Variants in KIF26B observed in about 807,000 individuals in gnomAD.
KIF26B encodes the protein kinesin family member 26B, also known as kinesin-like protein KIF26B.
Under a neutral mutation model 151.2 loss-of-function variants are expected in KIF26B, and 63 were observed. The observed-to-expected ratio is 0.42, with a 90% CI of 0.34 to 0.51. KIF26B has a LOEUF of 0.51. Ranked by LOEUF, KIF26B falls within the 20% of genes least tolerant of loss-of-function variation. The pLI, the probability that KIF26B is intolerant of heterozygous loss-of-function variation, is 0.07. For synonymous variants in KIF26B, 1,357 were observed against 1,262.1 expected (o/e 1.08, Z -1.59); for missense variants, 2,813 against 2,913.6 (o/e 0.97, Z 0.79).
At chr1:245,305,936 CAAAA>C (rs55865379) in intron 2 of KIF26B, among the ~76,000 whole-genome samples, 1 of 86,700 alleles carries the variant, frequency 1.2e-5, no homozygotes, top group Non-Finnish European at 2.2e-5. Flanking sequence ...GACGACTCCT[CAAAA>C]AAAAAAAAAA....
At chr1:245,389,517 A>G (rs962254683) in intron 3 of KIF26B, among the ~76,000 whole-genome samples, 1 of 152,132 alleles carries the variant, frequency 6.6e-6, no homozygotes, top group African/African-American at 2.4e-5. Flanking sequence ...CATTTTTATT[A>G]CTAGAATTGG....
intron 5 of KIF26B, among the ~76,000 whole-genome samples, chr1:245,543,149 C>T (rs1021628238): frequency 2.4e-4 from 36 of 152,182 alleles, no homozygotes; most frequent in African/African-American, 8.4e-4. Context: ...CTCTCCCCCT[C>T]TATCCCTAAT....
chr1:245,325,711 A>G (rs1671976895), intron 2 of KIF26B, among the ~76,000 whole-genome samples: 2 of 148,684 alleles, frequency 1.3e-5, no homozygotes, highest in African/African-American at 4.9e-5. Context: ...GACTCCATTT[A>G]AAAAAAAAAG....
chr1:245,455,607 G>A (rs1238859987), intron 4 of KIF26B, among the ~76,000 whole-genome samples: 3 of 152,222 alleles, frequency 2.0e-5, no homozygotes, highest in African/African-American at 7.2e-5. Context: ...ACGATGCCAA[G>A]AGAAATAAAA....
At chr1:245,163,480 C>A (rs1420849473) in intron 2 of KIF26B, among the ~76,000 whole-genome samples, 2 of 152,152 alleles carry the variant, frequency 1.3e-5, no homozygotes, top group Non-Finnish European at 2.9e-5. Context: ...AGCATGTTTT[C>A]ATGTTTGGCA....
At chr1:245,422,721 A>G (rs371295681) in intron 4 of KIF26B, among the ~76,000 whole-genome samples, 11 of 152,238 alleles carry the variant, frequency 7.2e-5, no homozygotes, top group African/African-American at 2.2e-4. Flanking sequence ...CTTGACTGCA[A>G]TGGAGAGAGA....
chr1:245,643,833 C>T (rs1313616922), intron 9 of KIF26B, among the ~76,000 whole-genome samples: 2 of 152,152 alleles, frequency 1.3e-5, no homozygotes, highest in Non-Finnish European at 2.9e-5. Context: ...TGTCTTCTCA[C>T]CTGTATTTCC....
At chr1:245,656,488 C>T (rs544232397) in intron 10 of KIF26B, among the ~76,000 whole-genome samples, 45 of 152,268 alleles carry the variant, frequency 3.0e-4, no homozygotes, top group South Asian at 8.3e-4. Flanking sequence ...TCTTTAATGA[C>T]GACTAACCAT....
At chr1:245,561,207 T>C (rs149150517) in intron 5 of KIF26B, among the ~76,000 whole-genome samples, 31 of 152,314 alleles carry the variant, frequency 2.0e-4, no homozygotes, top group Admixed American at 1.5e-3. Context: ...TCTTGGCTTA[T>C]TAATAATGAA....
In KIF26B at chr1:245,330,061, A is replaced by G. The variant is rs542609721; in HGVS notation, c.466-36773A>G. Among the ~76,000 whole-genome samples, 24 of 152,128 alleles carry G rather than the reference A, an allele frequency of 1.6e-4. No individual in the cohort carries two copies. The South Asian group carries it at 4.8e-3, about 30-fold the overall frequency. On this transcript the variant is annotated intron_variant, in intron 2 of 14. Coordinates refer to ENST00000407071, the MANE Select transcript of KIF26B (RefSeq NM_018012.4). ...GGCTCAACCGATCTGAAGTGCAAAGATTACAGGAGTGAGCCACTGTGCCTG... is the reference window on the plus strand; with the variant it reads ...GGCTCAACCGATCTGAAGTGCAAAGGTTACAGGAGTGAGCCACTGTGCCTG...
intron 8 of KIF26B, 125 bp downstream of exon 8, chr1:245,609,653 T>TTCCAGTCCACTTTAAA: frequency 5.6e-6 from 6 of 1,062,128 alleles, no homozygotes; most frequent in Non-Finnish European, 7.7e-6. Flanking sequence ...TACTTTAAAG[T>TTCCAGTCCACTTTAAA]GGACTGGAAC....
chr1:245,190,629 G>GTTTTTTTTTTTTTTTTTTTTTTTTT lies in KIF26B; in HGVS notation c.465+33950_465+33951insTTTTTTTTTTTTTTTTTTTTTTTTT, dbSNP rs768099890. On this transcript the variant is annotated intron_variant, in intron 2 of 14. Coordinates refer to ENST00000407071, the MANE Select transcript of KIF26B (RefSeq NM_018012.4). ...CTTTTCCTATAAGTTTTCCCTGAAT[G>GTTTTTTTTTTTTTTTTTTTTTTTTT]TTTTGTTTTGTTTTTTTTTTTTTTT... 6.2e-5 allele frequency among the ~76,000 whole-genome samples: 5 copies of GTTTTTTTTTTTTTTTTTTTTTTTTT among 80,080 alleles called. 1 individual carries two copies. Among genetic ancestry groups the GTTTTTTTTTTTTTTTTTTTTTTTTT allele is most frequent in the African/African-American group, 8.4e-5 (2 of 23,686 alleles). 52.5% of individuals were successfully genotyped at this position (80,080 alleles called of 152,430 possible). A position where few individuals can be genotyped will look rare whatever the true frequency, so the allele number is the denominator to read the frequency against.
At chr1:245,248,255 T>C (rs1346315682) in intron 2 of KIF26B, among the ~76,000 whole-genome samples, 3 of 152,060 alleles carry the variant, frequency 2.0e-5, no homozygotes, top group East Asian at 1.9e-4. Flanking sequence ...GTCTGGACAG[T>C]GGAAGGACTT....
chr1:245,294,804 A>G (rs1310385035), intron 2 of KIF26B, among the ~76,000 whole-genome samples: 2 of 151,334 alleles, frequency 1.3e-5, no homozygotes, highest in African/African-American at 4.9e-5. Flanking sequence ...CTGGGATTAC[A>G]GGCACCCACC....
At chr1:245,370,027 G>A (rs1673074274) in intron 3 of KIF26B, among the ~76,000 whole-genome samples, 1 of 152,066 alleles carries the variant, frequency 6.6e-6, no homozygotes, top group African/African-American at 2.4e-5. Flanking sequence ...ATACCATTTA[G>A]AAAATTATCA....
intron 7 of KIF26B, among the ~76,000 whole-genome samples, chr1:245,608,720 G>A (rs1237086857): frequency 6.6e-6 from 1 of 152,052 alleles, no homozygotes; most frequent in African/African-American, 2.4e-5. Context: ...CAAGGTACAT[G>A]GTGATTTAAT....
At chr1:245,423,788 G>A (rs1413858811) in intron 4 of KIF26B, among the ~76,000 whole-genome samples, 3 of 152,090 alleles carry the variant, frequency 2.0e-5, no homozygotes, top group African/African-American at 7.2e-5. Flanking sequence ...TCATGCAGAT[G>A]TCCACTTTTC....
At chr1:245,300,298 G>A (rs1233747449) in intron 2 of KIF26B, among the ~76,000 whole-genome samples, 2 of 152,110 alleles carry the variant, frequency 1.3e-5, no homozygotes, top group African/African-American at 4.8e-5. Context: ...AGACAGCCAG[G>A]CAGTGCATGA....
At chr1:245,163,891 T>C (rs1395494724) in intron 2 of KIF26B, among the ~76,000 whole-genome samples, 1 of 152,188 alleles carries the variant, frequency 6.6e-6, no homozygotes, top group Non-Finnish European at 1.5e-5. Context: ...TTTAAAAAAT[T>C]GGTACTCTTG....
Sources: gnomAD v4.1 joint callset for allele counts (sites outside exome capture counted in the v4.1 genomes callset) on GRCh38, gnomAD v4.1.1 for gene constraint, MANE v1.5 for transcripts, NCBI Gene and HGNC (gene_info 2026-07-23, HGNC 2026-07-21) for gene names.